TANC2: variants seen among roughly 807,000 people sequenced by gnomAD.
TANC2 encodes protein TANC2.
Under a neutral mutation model 210.5 loss-of-function variants are expected in TANC2, and 26 were observed. That is an observed-to-expected ratio of 0.12 (90% CI 0.09 to 0.17). The LOEUF (loss-of-function observed/expected upper bound fraction) is 0.17. TANC2 is among the 10% of genes least tolerant of loss of function. TANC2 has a pLI of 1.00. For missense variants in TANC2, 2,129 were observed against 2,608.9 expected, an observed-to-expected ratio of 0.82 and a Z score of 4.01; for synonymous variants, 931 against 967.1, an observed-to-expected ratio of 0.96 and a Z score of 0.69.
rs2048992580 is a variant in TANC2 at position 63,420,500 on chromosome 17, C to T, written c.4770C>T (p.Ser1590=). The change falls in exon 28 of 28, where the codon TCC becomes TCT. Residue 1590 remains serine, a synonymous_variant. Coordinates refer to ENST00000689528, the Ensembl canonical transcript of TANC2. The surrounding 1 kb of genome is among the most constrained non-coding windows in gnomAD (Gnocchi z 4.2). Reference sequence around the variant, plus strand: ...ACAGGCCTAGCCCACCACACACTTCCCCGGCTCATCAGGGAGGATCTTACC... The same window carrying T: ...ACAGGCCTAGCCCACCACACACTTCTCCGGCTCATCAGGGAGGATCTTACC... 1 of 1,613,982 alleles carries T rather than the reference C, an allele frequency of 6.2e-7. No homozygotes were observed. Among genetic ancestry groups the T allele is most frequent in the Non-Finnish European group, 8.5e-7 (1 of 1,179,870 alleles).
intron 4 of TANC2, among the ~76,000 whole-genome samples, chr17:63,131,768 C>T (rs2038928022): frequency 6.6e-6 from 1 of 152,172 alleles, no homozygotes; most frequent in African/African-American, 2.4e-5. Flanking sequence ...GCCTGAGAAC[C>T]TGCACTTTGA....
intron 4 of TANC2, among the ~76,000 whole-genome samples, chr17:63,123,946 C>T (rs970086045): frequency 2.0e-5 from 3 of 152,006 alleles, no homozygotes; most frequent in Admixed American, 6.6e-5. Context: ...TGTGATCCAC[C>T]CGCCTTGGCC....
At chr17:63,361,650 C>T (rs188316684) in intron 14 of TANC2, among the ~76,000 whole-genome samples, 40 of 152,332 alleles carry the variant, frequency 2.6e-4, no homozygotes, top group African/African-American at 8.2e-4. Flanking sequence ...GGTCTGGGCT[C>T]CTCAAAGAAC....
At chr17:63,008,077 T>C (rs1245578847) in intron 1 of TANC2, among the ~76,000 whole-genome samples, 1 of 151,934 alleles carries the variant, frequency 6.6e-6, no homozygotes, top group East Asian at 1.9e-4. Flanking sequence ...TGTTGATTCT[T>C]GCTACTTTAA....
exon 20 of TANC2, chr17:63,405,222 A>G (rs755466004): frequency 1.2e-6 from 2 of 1,602,638 alleles, no homozygotes; most frequent in Admixed American, 1.7e-5. Flanking sequence ...GAGCAGTGCC[A>G]CTATTCAGCA....
intron 9 of TANC2, among the ~76,000 whole-genome samples, chr17:63,298,058 T>C (rs763420856): frequency 5.3e-5 from 8 of 152,048 alleles, no homozygotes; most frequent in Non-Finnish European, 1.2e-4. Context: ...AACTAACAAG[T>C]GTTAATGAGG....
At chr17:62,987,390 C>T (rs540925331) in intron 1 of TANC2, among the ~76,000 whole-genome samples, 75 of 152,282 alleles carry the variant, frequency 4.9e-4, no homozygotes, top group Admixed American at 1.4e-3. Flanking sequence ...CACCATGTTG[C>T]AGTATCTGGG....
Position 63,420,610 on chromosome 17 carries a change from G to A in TANC2, c.4880G>A (p.Arg1627Gln), listed in dbSNP as rs773193935. 1.7e-5 allele frequency: 28 copies of A among 1,613,694 alleles called. No homozygotes were observed. Among genetic ancestry groups the A allele is most frequent in the Middle Eastern group, 3.3e-4 (2 of 6,082 alleles). The change falls in exon 28 of 28, where the codon CGG becomes CAG. Residue 1627 changes from arginine to glutamine, a missense_variant. By Grantham distance (43) the Arg-to-Gln change is conservative. Around this residue, in one of 5 missense-constraint regions of TANC2, gnomAD observed 584 missense variants for 627.3 expected, o/e 0.93. Coordinates refer to ENST00000689528, the Ensembl canonical transcript of TANC2. The surrounding 1 kb of genome is among the most constrained non-coding windows in gnomAD (Gnocchi z 4.2). ...CCTCTCCGGAGAGGCCCTCAGTATCGGGCCAGCCCTCCAGCTGAAAGTATG... is the reference window on the plus strand; with the variant it reads ...CCTCTCCGGAGAGGCCCTCAGTATCAGGCCAGCCCTCCAGCTGAAAGTATG...
chr17:63,384,380 A>G (rs2047709946), intron 15 of TANC2, among the ~76,000 whole-genome samples: 1 of 152,066 alleles, frequency 6.6e-6, no homozygotes, highest in African/African-American at 2.4e-5. Flanking sequence ...TAAAATGGCA[A>G]TAATATTAGC....
intron 7 of TANC2, among the ~76,000 whole-genome samples, chr17:63,214,003 G>A (rs1437121936): frequency 6.6e-6 from 1 of 152,112 alleles, no homozygotes; most frequent in Non-Finnish European, 1.5e-5. Context: ...GACAGGAAAG[G>A]AAAGAGAAAA....
intron 4 of TANC2, among the ~76,000 whole-genome samples, chr17:63,112,836 T>G (rs2038103975): frequency 6.6e-6 from 1 of 152,156 alleles, no homozygotes; most frequent in African/African-American, 2.4e-5. Flanking sequence ...AAGAATTGGG[T>G]ATCAGTTTTA....
At chr17:63,406,900 T>G (rs2048527798) in intron 21 of TANC2, among the ~76,000 whole-genome samples, 2 of 152,178 alleles carry the variant, frequency 1.3e-5, no homozygotes. Flanking sequence ...TAGAAAAAGC[T>G]CATCACTGGT....
At chr17:62,986,590 G>T (rs1399829971) in intron 1 of TANC2, among the ~76,000 whole-genome samples, 1 of 151,966 alleles carries the variant, frequency 6.6e-6, no homozygotes, top group African/African-American at 2.4e-5. Flanking sequence ...TGTGTTTGCT[G>T]GGGGTGACCT....
At position 62,989,607 on chromosome 17, in the gene TANC2, ATTC is replaced by A. The variant is rs554969241; in HGVS notation, c.-23-19923_-23-19921del. Among the ~76,000 whole-genome samples the A allele has an allele frequency of 4.9e-3, 751 of 152,212 alleles. 2 individuals carry two copies. The highest frequency in any genetic ancestry group is 8.0e-3 in the Non-Finnish European group (544 of 68,004). ...GGAAGTAGTAGTGGTAGTTCTATGT[ATTC>A]TTCTTCATTAGCCCTTTTACTGAAC... On this transcript the variant is annotated intron_variant, in intron 1 of 27. Coordinates refer to ENST00000689528, the Ensembl canonical transcript of TANC2.
intron 9 of TANC2, among the ~76,000 whole-genome samples, chr17:63,268,327 A>G (rs1253228583): frequency 6.6e-6 from 1 of 152,232 alleles, no homozygotes; most frequent in Non-Finnish European, 1.5e-5. Flanking sequence ...GAGTGCCAAC[A>G]TGACACCACA....
At chr17:63,043,576 T>C (rs955537174) in intron 2 of TANC2, among the ~76,000 whole-genome samples, 1 of 152,174 alleles carries the variant, frequency 6.6e-6, no homozygotes, top group African/African-American at 2.4e-5. Context: ...TCATGTACTT[T>C]GAACTCTTTC....
chr17:63,163,551 T>C (rs2040101256), intron 5 of TANC2, among the ~76,000 whole-genome samples: 1 of 152,204 alleles, frequency 6.6e-6, no homozygotes, highest in South Asian at 2.1e-4. Flanking sequence ...CGGAAGAAAG[T>C]AACTTACTAT....
intron 2 of TANC2, among the ~76,000 whole-genome samples, chr17:63,048,775 C>T (rs1229463982): frequency 2.6e-5 from 4 of 151,962 alleles, no homozygotes; most frequent in Non-Finnish European, 2.9e-5. Flanking sequence ...AGGGGAACAA[C>T]AGACAGACAC....
intron 5 of TANC2, among the ~76,000 whole-genome samples, chr17:63,193,707 A>T (rs2041255694): frequency 6.6e-6 from 1 of 152,204 alleles, no homozygotes; most frequent in Non-Finnish European, 1.5e-5. Context: ...CGGTAAGTCA[A>T]CCTAACATAA....
Sources: allele counts gnomAD v4.1 joint callset (sites outside exome capture counted in the v4.1 genomes callset), GRCh38; gene constraint gnomAD v4.1.1; regional missense constraint gnomAD v4.1.1; non-coding constraint Gnocchi (gnomAD v3.1); transcripts MANE v1.5; gene names NCBI Gene and HGNC (gene_info 2026-07-23, HGNC 2026-07-21).